EPN2: variants seen among roughly 807,000 people sequenced by gnomAD.
EPN2 encodes epsin-2.
In EPN2, 34 loss-of-function variants were observed where a neutral mutation model predicts 61.7. That is an observed-to-expected ratio of 0.55 (90% CI 0.42 to 0.73). The LOEUF (loss-of-function observed/expected upper bound fraction) is 0.73, where lower values mean the gene tolerates loss of function less well. Among genes scored for constraint, EPN2 ranks in the 30% least tolerant of loss-of-function variants. EPN2 has a pLI of 0.00. For missense variants in EPN2, 714 were observed against 839.2 expected, an observed-to-expected ratio of 0.85 and a Z score of 1.84; for synonymous variants, 349 against 353.6, an observed-to-expected ratio of 0.99 and a Z score of 0.15.
At chr17:19,326,686 CAAA>C (rs36161060) in intron 7 of EPN2, among the ~76,000 whole-genome samples, 2 of 76,866 alleles carry the variant, frequency 2.6e-5, no homozygotes, top group South Asian at 5.2e-4. Context: ...GACTCCGTCT[CAAA>C]AAAAAAAAAA....
At chr17:19,267,909 C>G (rs916961933) in intron 1 of EPN2, among the ~76,000 whole-genome samples, 3 of 152,170 alleles carry the variant, frequency 2.0e-5, no homozygotes, top group African/African-American at 7.2e-5. Context: ...AGTGGGTGCT[C>G]TGTAAGTGTT....
chr17:19,329,429 TCTC>T, intron 8 of EPN2, 129 bp from the exon 9 acceptor site: 1 of 622,100 alleles, frequency 1.6e-6, no homozygotes, highest in Non-Finnish European at 2.9e-6. Flanking sequence ...CTCTCAGAAT[TCTC>T]CTCCATGAGG....
At chr17:19,259,563 C>T (rs532884515) in intron 1 of EPN2, among the ~76,000 whole-genome samples, 3 of 152,304 alleles carry the variant, frequency 2.0e-5, no homozygotes, top group South Asian at 2.1e-4. Context: ...CTGCCCGCCT[C>T]GGCCTCCCAA....
chr17:19,246,732 T>C (rs1447879788), intron 1 of EPN2, among the ~76,000 whole-genome samples: 2 of 149,782 alleles, frequency 1.3e-5, no homozygotes, highest in African/African-American at 4.9e-5. Context: ...TTTTGTTTTT[T>C]TTTTCCCCCC....
intron 1 of EPN2, among the ~76,000 whole-genome samples, chr17:19,257,506 TTTCTC>T (rs771118800): frequency 7.0e-6 from 1 of 142,594 alleles, no homozygotes; most frequent in Non-Finnish European, 1.5e-5. Context: ...TTTGATTTAT[TTTCTC>T]TCTCTCTCTC....
intron 7 of EPN2, among the ~76,000 whole-genome samples, chr17:19,327,570 G>A (rs1906940110): frequency 1.3e-5 from 2 of 152,182 alleles, no homozygotes; most frequent in Non-Finnish European, 2.9e-5. Context: ...CTACTTGGGA[G>A]GCGGCGGTGG....
chr17:19,312,114 G>A lies in EPN2; in HGVS notation c.942G>A (p.Arg314=). The change falls in exon 6 of 11, where the codon AGG becomes AGA. Residue 314 remains arginine, a synonymous_variant. Coordinates refer to ENST00000314728, the MANE Select transcript of EPN2 (RefSeq NM_014964.5). The part of the protein sequence containing the change: ...RLQMALEESR[R]DTVKIPKKKE... ...AGATGGCCCTGGAAGAAAGCCGAAG[G>A]GACACAGTTAAAATTCCAAAAAAGA... 1 of 1,614,080 alleles carries A rather than the reference G, an allele frequency of 6.2e-7. No homozygotes were observed. Among genetic ancestry groups the A allele is most frequent in the South Asian group, 1.1e-5 (1 of 91,084 alleles).
chr17:19,289,723 G>GTTTT (rs2045441559), intron 4 of EPN2, among the ~76,000 whole-genome samples: 3 of 27,522 alleles, frequency 1.1e-4, no homozygotes, highest in Non-Finnish European at 3.9e-4. Flanking sequence ...TGGCGCTCAT[G>GTTTT]GTTTTTTTTT....
chr17:19,291,179 A>G (rs988597002), intron 4 of EPN2, among the ~76,000 whole-genome samples: 6 of 152,254 alleles, frequency 3.9e-5, no homozygotes, highest in Non-Finnish European at 8.8e-5. Context: ...TACAGTGGCT[A>G]GAGATGGATC....
At chr17:19,268,277 C>A (rs1383203104) in intron 1 of EPN2, among the ~76,000 whole-genome samples, 1 of 152,156 alleles carries the variant, frequency 6.6e-6, no homozygotes, top group Non-Finnish European at 1.5e-5. Context: ...TGTTCAGATC[C>A]CCTGTAGCTG....
chr17:19,282,585 T>C (rs2045368608), intron 2 of EPN2: 2 of 153,000 alleles, frequency 1.3e-5, no homozygotes, highest in Non-Finnish European at 2.9e-5. Flanking sequence ...TGAGCCACCA[T>C]ATCTGGTCTC....
chr17:19,299,860 C>T (rs1347505013), intron 4 of EPN2, among the ~76,000 whole-genome samples: 3 of 152,196 alleles, frequency 2.0e-5, no homozygotes, highest in Non-Finnish European at 4.4e-5. Context: ...ACTGAGGCAG[C>T]GGTACCAGTG....
At chr17:19,249,138 G>A (rs2044984767) in intron 1 of EPN2, among the ~76,000 whole-genome samples, 1 of 152,234 alleles carries the variant, frequency 6.6e-6, no homozygotes, top group African/African-American at 2.4e-5. Context: ...TTTTGGCGGT[G>A]AGTGGGCAGG....
chr17:19,323,304 A>C (rs1906728260), intron 7 of EPN2, among the ~76,000 whole-genome samples: 1 of 152,236 alleles, frequency 6.6e-6, no homozygotes, highest in African/African-American at 2.4e-5. Flanking sequence ...TTTGGGAAGC[A>C]GTTGGGAATC....
intron 6 of EPN2, chr17:19,312,789 G>T: frequency 3.1e-6 from 1 of 319,132 alleles, no homozygotes; most frequent in Non-Finnish European, 5.8e-6. Context: ...GTGGCTGGCA[G>T]GTGGGAGGGA....
At position 19,329,519 on chromosome 17, in the gene EPN2, C is replaced by T. The variant is rs199636968; in HGVS notation, c.1325-42C>T. The T allele has an allele frequency of 1.4e-5, 18 of 1,315,026 alleles. No individual in the cohort carries two copies. The Admixed American group carries it at 3.1e-4, about 22-fold the overall frequency. 81.5% of individuals were successfully genotyped at this position (1,315,026 alleles called of 1,614,324 possible). On this transcript the variant is annotated intron_variant, in intron 8 of 10. Transcript: ENST00000314728. ...CTGGGCAGTGGAGTTGCCATGAAGT[C>T]CTGTGAGATGCCCCCAGTCATTGGC... is the stretch of plus-strand genomic sequence containing the variant.
intron 4 of EPN2, among the ~76,000 whole-genome samples, chr17:19,300,725 G>A (rs1283332300): frequency 2.0e-5 from 3 of 152,098 alleles, no homozygotes; most frequent in Non-Finnish European, 4.4e-5. Flanking sequence ...ACCGGCACCC[G>A]GCAAACTGTC....
chr17:19,243,426 G>GCT lies in EPN2; in HGVS notation c.-294+5896_-294+5897dup, dbSNP rs544150826. ...TTTTTTTTTTTTGAGACGGAGTCTC[G>GCT]CTGTCTCCCAGCCTGGAGTGCAGCG... On this transcript the variant is annotated intron_variant, in intron 1 of 10. Coordinates refer to ENST00000314728, the MANE Select transcript of EPN2 (RefSeq NM_014964.5). Among the ~76,000 whole-genome samples the GCT allele has an allele frequency of 6.5e-3, 756 of 115,808 alleles. 9 individuals carry two copies. The highest frequency in any genetic ancestry group is 0.025 in the African/African-American group (721 of 28,596). The allele number at this position is 115,808 out of a possible 152,430, so 76.0% of individuals were successfully genotyped here.
Position 19,335,811 on chromosome 17 carries a change from C to T in EPN2, c.*1557C>T, listed in dbSNP as rs555767920. On this transcript the variant is annotated 3_prime_UTR_variant, in exon 11 of 11. Coordinates refer to ENST00000314728, the MANE Select transcript of EPN2 (RefSeq NM_014964.5). ...TCTTCCAAACTCCTACTGTCCTCACCTCACCCACCACTGTAAAAGTATTAC... is the reference window on the plus strand; with the variant it reads ...TCTTCCAAACTCCTACTGTCCTCACTTCACCCACCACTGTAAAAGTATTAC... 2.6e-3 allele frequency: 539 copies of T among 203,574 alleles called. 10 individuals are homozygous for T. Among genetic ancestry groups the T allele is most frequent in the Middle Eastern group, 9.1e-3 (5 of 550 alleles). The allele number at this position is 203,574 out of a possible 1,614,324, so 12.6% of individuals were successfully genotyped here.
Sources: gnomAD v4.1 joint callset for allele counts (sites outside exome capture counted in the v4.1 genomes callset) on GRCh38, gnomAD v4.1.1 for gene constraint, MANE v1.5 for transcripts, NCBI Gene and HGNC (gene_info 2026-07-23, HGNC 2026-07-21) for gene names.